The following NRK variants were observed in gnomAD, a reference collection of about 807,000 sequenced individuals.
NRK encodes nik-related protein kinase.
Under a neutral mutation model 125.2 loss-of-function variants are expected in NRK, and 67 were observed. The observed-to-expected ratio is 0.54, with a 90% CI of 0.44 to 0.66. The LOEUF is 0.66. Among genes scored for constraint, NRK ranks in the 30% least tolerant of loss-of-function variants. The pLI, the probability that NRK is intolerant of heterozygous loss-of-function variation, is 0.00. For missense variants in NRK, 1,224 were observed against 1,192.9 expected, an observed-to-expected ratio of 1.03 and a Z score of -0.38; for synonymous variants, 458 against 429.0, an observed-to-expected ratio of 1.07 and a Z score of -0.84.
At chrX:105,841,620 A>G (rs775577641) in intron 2 of NRK, among the ~76,000 whole-genome samples, 8 of 111,762 alleles carry the variant, frequency 7.2e-5, no homozygotes, top group East Asian at 5.7e-4. Flanking sequence ...TGCCAGTAAC[A>G]TTTTGTATAA....
intron 9 of NRK, among the ~76,000 whole-genome samples, chrX:105,904,616 A>G (rs188043553): frequency 7.1e-5 from 8 of 112,090 alleles, no homozygotes; most frequent in East Asian, 2.8e-4. Flanking sequence ...CCTCACAACA[A>G]TTCTTTGAAG....
chrX:105,897,433 C>A (rs932276266), intron 7 of NRK, among the ~76,000 whole-genome samples: 7 of 112,211 alleles, frequency 6.2e-5, no homozygotes, highest in Non-Finnish European at 1.3e-4. Context: ...CCTGTAAGGT[C>A]ATGAAAGAAA....
chrX:105,886,861 TAATC>T (rs1301897323), intron 4 of NRK, among the ~76,000 whole-genome samples: 1 of 110,846 alleles, frequency 9.0e-6, no homozygotes, highest in Non-Finnish European at 1.9e-5. Flanking sequence ...GATTACCAAA[TAATC>T]AAGATAGTAT....
At chrX:105,847,848 C>T (rs1481104675) in intron 2 of NRK, among the ~76,000 whole-genome samples, 6 of 111,801 alleles carry the variant, frequency 5.4e-5, no homozygotes, top group African/African-American at 1.6e-4. Context: ...CTGATTTTAA[C>T]TCATGGCTCC....
intron 20 of NRK, 51 bp downstream of exon 20, chrX:105,934,495 A>G: frequency 1.3e-6 from 1 of 773,581 alleles, no homozygotes; most frequent in Non-Finnish European, 1.9e-6. Flanking sequence ...TCACTTATTA[A>G]ATAGTGTTTA....
Position 105,923,443 on chromosome X carries a change from A to C in NRK, c.2936A>C (p.Asp979Ala), listed in dbSNP as rs374869611. ...HDDDNNKFVDDVNNNYYEAPS... is the reference protein window; with the variant it reads ...HDDDNNKFVDAVNNNYYEAPS... ...GATGACAACAATAAGTTTGTTGATG[A>C]TGTAAATAATAATTATTATGAGGCG... Residue 979 changes from aspartate to alanine, a missense_variant, in exon 18 of 29, where the codon GAT becomes GCT. Coordinates refer to ENST00000243300, the MANE Select transcript of NRK (RefSeq NM_198465.4). The C allele has an allele frequency of 1.8e-6, 2 of 1,140,436 alleles. No homozygotes were observed. The highest frequency in any genetic ancestry group is 2.3e-6 in the Non-Finnish European group (2 of 854,130). 94.0% of individuals were successfully genotyped at this position (1,140,436 alleles called of 1,213,427 possible).
intron 13 of NRK, among the ~76,000 whole-genome samples, chrX:105,911,830 A>G (rs764085050): frequency 8.9e-6 from 1 of 112,062 alleles, no homozygotes; most frequent in East Asian, 2.8e-4. Context: ...CAGTGATACC[A>G]GCATGGCACA....
In NRK at chrX:105,872,900, G is replaced by A. The variant is rs190053706; in HGVS notation, c.124-7299G>A. 1.0e-3 allele frequency among the ~76,000 whole-genome samples: 112 copies of A among 110,865 alleles called. 1 individual carries two copies. Among genetic ancestry groups the A allele is most frequent in the African/African-American group, 3.6e-3 (109 of 30,496 alleles). Reference sequence around the variant, plus strand: ...TTGTCCCTCCCTGGCACAGCATCAAGTACTCCCAGGTGCTGTTTACAATCG... The same window carrying A: ...TTGTCCCTCCCTGGCACAGCATCAAATACTCCCAGGTGCTGTTTACAATCG... On this transcript the variant is annotated intron_variant, in intron 2 of 28. Coordinates refer to ENST00000243300, the MANE Select transcript of NRK (RefSeq NM_198465.4).
chrX:105,835,963 A>C (rs1300651643), intron 2 of NRK, among the ~76,000 whole-genome samples: 1 of 111,736 alleles, frequency 8.9e-6, no homozygotes, highest in Admixed American at 9.5e-5. Flanking sequence ...ATATACACCT[A>C]TTATGTGCCC....
intron 6 of NRK, 81 bp downstream of exon 6, chrX:105,894,023 C>A: frequency 2.0e-6 from 1 of 495,376 alleles, no homozygotes; most frequent in Non-Finnish European, 3.3e-6. Context: ...TACCTGCTCA[C>A]ATCAGATAGT....
intron 24 of NRK, among the ~76,000 whole-genome samples, chrX:105,944,521 C>T (rs2040787854): frequency 8.9e-6 from 1 of 111,765 alleles, no homozygotes; most frequent in Non-Finnish European, 1.9e-5. Flanking sequence ...CCCACCAGCG[C>T]CTCACTCCCA....
intron 16 of NRK, among the ~76,000 whole-genome samples, chrX:105,918,484 C>A (rs1331362536): frequency 9.0e-6 from 1 of 111,314 alleles, no homozygotes; most frequent in Non-Finnish European, 1.9e-5. Context: ...ATTTGAAGAT[C>A]AAAACTTAAA....
intron 19 of NRK, among the ~76,000 whole-genome samples, chrX:105,930,912 C>T (rs1252462021): frequency 2.7e-5 from 3 of 111,719 alleles, no homozygotes; most frequent in Non-Finnish European, 5.7e-5. Flanking sequence ...CAGGGGTGGG[C>T]TTGCCAGGCT....
intron 1 of NRK, among the ~76,000 whole-genome samples, chrX:105,826,323 T>C (rs2039107222): frequency 1.2e-5 from 1 of 86,547 alleles, no homozygotes; most frequent in Non-Finnish European, 2.1e-5. Context: ...ATATATTTCA[T>C]ATATATAATA....
intron 21 of NRK, among the ~76,000 whole-genome samples, chrX:105,935,640 A>T (rs1367731867): frequency 9.2e-6 from 1 of 108,749 alleles, no homozygotes; most frequent in Non-Finnish European, 1.9e-5. Context: ...ATACAAAAAA[A>T]TTAGCTGGGT....
At chrX:105,889,852 T>C (rs2039994990) in intron 5 of NRK, among the ~76,000 whole-genome samples, 1 of 112,040 alleles carries the variant, frequency 8.9e-6, no homozygotes, top group African/African-American at 3.2e-5. Flanking sequence ...AACCATTTTT[T>C]TTCCTCCTAG....
At chrX:105,940,147 A>C in intron 23 of NRK, 115 bp downstream of exon 23, 2 of 545,955 alleles carry the variant, frequency 3.7e-6, no homozygotes, top group Non-Finnish European at 3.0e-6. Context: ...AGTTTCAAAT[A>C]CAGACGAGAT....
intron 5 of NRK, among the ~76,000 whole-genome samples, chrX:105,889,539 A>G (rs2039990180): frequency 8.9e-6 from 1 of 111,894 alleles, no homozygotes; most frequent in African/African-American, 3.3e-5. Flanking sequence ...TCCCTTCTAC[A>G]CTGCCCTAAC....
At chrX:105,824,620 A>C (rs1829554343) in intron 1 of NRK, among the ~76,000 whole-genome samples, 1 of 71,902 alleles carries the variant, frequency 1.4e-5, no homozygotes, top group South Asian at 5.8e-4. Context: ...ACTGCCACAA[A>C]AAAAAAAAAA....
Sources: gnomAD v4.1 joint callset for allele counts (sites outside exome capture counted in the v4.1 genomes callset) on GRCh38, gnomAD v4.1.1 for gene constraint, MANE v1.5 for transcripts, NCBI Gene and HGNC (gene_info 2026-07-23, HGNC 2026-07-21) for gene names.